The following TTC9 variants were observed in gnomAD, a reference collection of about 807,000 sequenced individuals.
TTC9 encodes tetratricopeptide repeat domain 9, also known as tetratricopeptide repeat protein 9A.
TTC9 carries 13 observed loss-of-function variants against 22.9 expected under a neutral mutation model. That is an observed-to-expected ratio of 0.57 (90% CI 0.37 to 0.90). The LOEUF is 0.90. TTC9 is among the 40% of genes least tolerant of loss of function. The probability of loss-of-function intolerance (pLI) is 0.01; values close to 1 mark genes in which losing one functional copy is unlikely to be tolerated. For synonymous variants in TTC9, 148 were observed against 133.2 expected, an observed-to-expected ratio of 1.11 and a Z score of -0.77; for missense variants, 280 against 291.8, an observed-to-expected ratio of 0.96 and a Z score of 0.29.
chr14:70,659,126 A>G (rs1273435741), intron 1 of TTC9, among the ~76,000 whole-genome samples: 20 of 131,432 alleles, frequency 1.5e-4, no homozygotes, highest in African/African-American at 2.5e-4. Flanking sequence ...CTAAACACAC[A>G]CACACGCACA....
intron 1 of TTC9, among the ~76,000 whole-genome samples, chr14:70,649,776 G>T (rs191431685): frequency 5.3e-5 from 8 of 152,332 alleles, no homozygotes; most frequent in Admixed American, 3.3e-4. Flanking sequence ...CCATCTTCCA[G>T]TCTTTCCTTC....
At chr14:70,659,223 A>G (rs1594739070) in intron 1 of TTC9, among the ~76,000 whole-genome samples, 1 of 152,210 alleles carries the variant, frequency 6.6e-6, no homozygotes, top group East Asian at 1.9e-4. Flanking sequence ...ATCAGTGTCA[A>G]TATCATAGCC....
intron 1 of TTC9, among the ~76,000 whole-genome samples, chr14:70,653,083 A>G (rs1395671954): frequency 6.6e-6 from 1 of 152,240 alleles, no homozygotes; most frequent in South Asian, 2.1e-4. Flanking sequence ...CCATGACAGC[A>G]TGTGAGTAAT....
chr14:70,647,501 AT>A (rs535226930), intron 1 of TTC9, among the ~76,000 whole-genome samples: 5 of 151,440 alleles, frequency 3.3e-5, no homozygotes, highest in East Asian at 3.9e-4. Context: ...TTCTGAGAAC[AT>A]TTTTTTTTGT....
intron 1 of TTC9, among the ~76,000 whole-genome samples, chr14:70,663,016 G>A (rs551910699): frequency 2.0e-4 from 31 of 152,154 alleles, no homozygotes; most frequent in Non-Finnish European, 4.1e-4. Flanking sequence ...CACTTACATT[G>A]ATCTGTTTTT....
At chr14:70,644,809 T>C (rs1364764708) in intron 1 of TTC9, among the ~76,000 whole-genome samples, 1 of 152,176 alleles carries the variant, frequency 6.6e-6, no homozygotes. Context: ...AGGAGGATGG[T>C]TCAACTTAAA....
intron 2 of TTC9, among the ~76,000 whole-genome samples, chr14:70,668,913 T>G (rs894996372): frequency 6.6e-6 from 1 of 150,766 alleles, no homozygotes; most frequent in African/African-American, 2.4e-5. Context: ...TCCCAGCACT[T>G]TGGGAGGCCG....
Position 70,667,690 on chromosome 14 carries a change from G to A in TTC9, c.533G>A (p.Gly178Glu). 6.2e-7 allele frequency: 1 copy of A among 1,613,692 alleles called. No homozygotes were observed. Among genetic ancestry groups the A allele is most frequent in the Non-Finnish European group, 8.5e-7 (1 of 1,179,770 alleles). Residue 178 changes from glycine (G) to glutamate (E), a missense_variant, in exon 2 of 3, where the codon GGG becomes GAG. Physicochemically the swap from Gly to Glu is moderately conservative, Grantham distance 98. This residue lies in a region of TTC9 where 39 missense variants were observed against 67.4 expected (regional missense o/e 0.58). Coordinates refer to ENST00000256367, the MANE Select transcript of TTC9 (RefSeq NM_015351.2). The part of the protein sequence containing the change: ...YRSGVAFYHL[G>E]DYDKALYYLK... ...TCTGGTGTGGCCTTCTACCACCTTG[G>A]GGACTATGACAAAGCACTCTACTAC...
chr14:70,654,473 C>G (rs918888401), intron 1 of TTC9, among the ~76,000 whole-genome samples: 21 of 151,124 alleles, frequency 1.4e-4, no homozygotes, highest in African/African-American at 5.1e-4. Context: ...TGCTTGTAGT[C>G]CCAGCTACTC....
At chr14:70,671,031 T>G in intron 2 of TTC9, 45 bp from the exon 3 acceptor site, 1 of 1,564,884 alleles carries the variant, frequency 6.4e-7, no homozygotes, top group South Asian at 1.1e-5. Flanking sequence ...AATGTGATAG[T>G]TGCCCTCACC....
At chr14:70,664,406 C>T (rs1404059595) in intron 1 of TTC9, among the ~76,000 whole-genome samples, 1 of 152,046 alleles carries the variant, frequency 6.6e-6, no homozygotes, top group African/African-American at 2.4e-5. Context: ...TGGCTGTCAC[C>T]CCCTCCACCC....
Position 70,642,064 on chromosome 14 carries a change from A to C in TTC9, c.-66A>C. On this transcript the variant is annotated 5_prime_UTR_variant, in exon 1 of 3. Coordinates refer to ENST00000256367, the MANE Select transcript of TTC9 (RefSeq NM_015351.2). ...GCGCCCGCGGCTTTTAAACCCGGGA[A>C]GGCGCGGCGGCGGCGGCGGCGGCGG... 1.0e-6 allele frequency: 1 copy of C among 973,738 alleles called. No homozygotes were observed. Among genetic ancestry groups the C allele is most frequent in the East Asian group, 1.0e-4 (1 of 9,622 alleles). 60.3% of individuals were successfully genotyped at this position (973,738 alleles called of 1,614,324 possible). A position where few individuals can be genotyped will look rare whatever the true frequency, so the allele number is the denominator to read the frequency against.
chr14:70,656,382 A>G (rs1191757306), intron 1 of TTC9, among the ~76,000 whole-genome samples: 1 of 152,146 alleles, frequency 6.6e-6, no homozygotes, highest in Non-Finnish European at 1.5e-5. Flanking sequence ...GTTCCATTGC[A>G]CCAATGTCCC....
intron 1 of TTC9, among the ~76,000 whole-genome samples, chr14:70,650,431 A>AT: frequency 6.6e-6 from 1 of 152,066 alleles, no homozygotes; most frequent in East Asian, 1.9e-4. Flanking sequence ...TCAAAAAAAA[A>AT]AAAGAATATA....
At chr14:70,667,252 A>G (rs1383899246) in intron 1 of TTC9, among the ~76,000 whole-genome samples, 1 of 152,200 alleles carries the variant, frequency 6.6e-6, no homozygotes, top group East Asian at 1.9e-4. Context: ...CTCTGTAAAG[A>G]TCCTGTCTCC....
chr14:70,670,654 A>C (rs1188827599), intron 2 of TTC9, among the ~76,000 whole-genome samples: 2 of 135,374 alleles, frequency 1.5e-5, no homozygotes, highest in Non-Finnish European at 1.6e-5. Context: ...CATCTCAAAA[A>C]ACAAACAAAC....
intron 1 of TTC9, among the ~76,000 whole-genome samples, chr14:70,665,511 C>T (rs1035962846): frequency 6.6e-6 from 1 of 152,160 alleles, no homozygotes; most frequent in African/African-American, 2.4e-5. Flanking sequence ...CCCTGGTGCA[C>T]CAGAAGATTG....
chr14:70,668,958 C>T (rs1024898123), intron 2 of TTC9, among the ~76,000 whole-genome samples: 1 of 151,758 alleles, frequency 6.6e-6, no homozygotes, highest in Non-Finnish European at 1.5e-5. Context: ...AGATCAAGAC[C>T]ATCCTGGCTA....
chr14:70,654,110 C>G (rs1312408123), intron 1 of TTC9, among the ~76,000 whole-genome samples: 1 of 152,028 alleles, frequency 6.6e-6, no homozygotes, highest in Admixed American at 6.5e-5. Flanking sequence ...ACAGCTGCTC[C>G]TCCACCAAAA....
Sources: gnomAD v4.1 joint callset for allele counts (sites outside exome capture counted in the v4.1 genomes callset) on GRCh38, gnomAD v4.1.1 for gene constraint, gnomAD v4.1.1 regional missense constraint, MANE v1.5 for transcripts, NCBI Gene and HGNC (gene_info 2026-07-23, HGNC 2026-07-21) for gene names.